Variants in ZEB1 observed in about 807,000 individuals in gnomAD.
ZEB1 encodes the protein zinc finger E-box-binding homeobox 1.
In ZEB1, 21 loss-of-function variants were observed where a neutral mutation model predicts 84.9. That is an observed-to-expected ratio of 0.25 (90% CI 0.18 to 0.36). The LOEUF is 0.36. Ranked by LOEUF, ZEB1 falls within the 10% of genes least tolerant of loss-of-function variation. ZEB1 has a pLI of 1.00. For missense variants in ZEB1, 1,104 were observed against 1,330.2 expected, an observed-to-expected ratio of 0.83 and a Z score of 2.65; for synonymous variants, 420 against 471.1, an observed-to-expected ratio of 0.89 and a Z score of 1.41.
In ZEB1 at chr10:31,461,256, TG is replaced by T; in HGVS notation, c.259+20del. On this transcript the variant is annotated intron_variant, in intron 2 of 8. Coordinates refer to ENST00000424869, the MANE Select transcript of ZEB1 (RefSeq NM_001174096.2). ...GATGACAGTAAGTCTGATTTTTTTTTGTAATATTGTATTCTCATGATTCGTT... is the reference window on the plus strand; with the variant it reads ...GATGACAGTAAGTCTGATTTTTTTTTTAATATTGTATTCTCATGATTCGTT... The T allele has an allele frequency of 6.3e-7, 1 of 1,591,990 alleles. No individual in the cohort carries two copies. The highest frequency in any genetic ancestry group is 1.7e-5 in the Admixed American group (1 of 57,440).
At chr10:31,428,376 T>C (rs553349927) in intron 1 of ZEB1, among the ~76,000 whole-genome samples, 9 of 152,284 alleles carry the variant, frequency 5.9e-5, no homozygotes, top group African/African-American at 2.2e-4. Context: ...TATGAGTGAG[T>C]GAATTTCTTA....
At chr10:31,363,428 C>G in intron 1 of ZEB1, 1 of 1,534,364 alleles carries the variant, frequency 6.5e-7, no homozygotes, top group Non-Finnish European at 8.7e-7. Context: ...ACATTTCCCT[C>G]CAAGGGCCTG....
At chr10:31,503,207 A>G (rs1292073605) in intron 4 of ZEB1, among the ~76,000 whole-genome samples, 2 of 152,158 alleles carry the variant, frequency 1.3e-5, no homozygotes, top group East Asian at 3.8e-4. Context: ...ATGTAGTTCT[A>G]ATAAAGGTTA....
At chr10:31,493,096 C>G (rs2066767602) in intron 2 of ZEB1, among the ~76,000 whole-genome samples, 1 of 151,834 alleles carries the variant, frequency 6.6e-6, no homozygotes, top group Admixed American at 6.6e-5. Flanking sequence ...CTCTCGTTTC[C>G]CATTACATGT....
chr10:31,411,139 CA>C (rs1462073171), intron 1 of ZEB1, among the ~76,000 whole-genome samples: 1 of 152,064 alleles, frequency 6.6e-6, no homozygotes. Flanking sequence ...TCAGCAAATG[CA>C]AAAGAACGGA....
chr10:31,319,588 C>T, intron 1 of ZEB1: 2 of 393,254 alleles, frequency 5.1e-6, no homozygotes, highest in Non-Finnish European at 9.0e-6. Flanking sequence ...CCGACGCCGC[C>T]GCATCCCCGG....
Position 31,521,351 on chromosome 10 carries a change from C to T in ZEB1, c.2019C>T (p.Asp673=). 1.2e-6 allele frequency: 2 copies of T among 1,614,106 alleles called. No individual in the cohort carries two copies. The highest frequency in any genetic ancestry group is 1.7e-6 in the Non-Finnish European group (2 of 1,180,014). Residue 673 remains aspartate (D), a synonymous_variant, in exon 7 of 9, where the codon GAC becomes GAT. Transcript: ENST00000424869. ...CTGCAAATGCAAATGAACCCCAGGA[C>T]AGCACAGTAAATCTACAAAGTCCTT... ...PQSANANEPQ[D]STVNLQSPLK...
In ZEB1 at chr10:31,349,636, C is replaced by T. The variant is rs113425604; in HGVS notation, c.58+30344C>T. ...TTCTAACAGGTGTGAGGTAGTCTCT[C>T]ATTGGGTTTTAATTTGCATTTCCCT... is the stretch of plus-strand genomic sequence containing the variant. On this transcript the variant is annotated intron_variant, in intron 1 of 8. Coordinates refer to ENST00000424869, the MANE Select transcript of ZEB1 (RefSeq NM_001174096.2). 2.8e-4 allele frequency among the ~76,000 whole-genome samples: 43 copies of T among 152,302 alleles called. 4 individuals carry two copies. Among genetic ancestry groups the T allele is most frequent in the African/African-American group, 1.0e-3 (43 of 41,574 alleles).
chr10:31,419,521 A>G (rs1378000825), intron 1 of ZEB1, among the ~76,000 whole-genome samples: 3 of 152,162 alleles, frequency 2.0e-5, no homozygotes, highest in Non-Finnish European at 4.4e-5. Flanking sequence ...CATCAGTTAC[A>G]GGAGTCATAT....
At chr10:31,358,641 A>G (rs1235721356) in intron 1 of ZEB1, 1 of 152,196 alleles carries the variant, frequency 6.6e-6, no homozygotes, top group African/African-American at 2.4e-5. Context: ...TTGTCTGATT[A>G]TAAAGGTGAA....
intron 2 of ZEB1, among the ~76,000 whole-genome samples, 188 bp from the exon 3 acceptor site, chr10:31,495,587 TG>T (rs1591843977): frequency 6.6e-6 from 1 of 152,108 alleles, no homozygotes; most frequent in African/African-American, 2.4e-5. Context: ...CAACTGGATT[TG>T]TTTTTTTAAT....
At chr10:31,424,644 A>T (rs929220233) in intron 1 of ZEB1, among the ~76,000 whole-genome samples, 1 of 152,042 alleles carries the variant, frequency 6.6e-6, no homozygotes, top group African/African-American at 2.4e-5. Flanking sequence ...GGAAGTGATT[A>T]AAGAGGTGTG....
intron 1 of ZEB1, chr10:31,358,531 T>C (rs2042480863): frequency 6.6e-6 from 1 of 152,148 alleles, no homozygotes; most frequent in Non-Finnish European, 1.5e-5. Flanking sequence ...GAAAATACAG[T>C]TTCTTAAATA....
chr10:31,347,691 T>G (rs1424681468), intron 1 of ZEB1, among the ~76,000 whole-genome samples: 3 of 152,184 alleles, frequency 2.0e-5, no homozygotes, highest in Non-Finnish European at 4.4e-5. Flanking sequence ...CTCCCCTTAT[T>G]ATTGGACATT....
At chr10:31,451,118 GTGTC>G (rs1286844904) in intron 1 of ZEB1, among the ~76,000 whole-genome samples, 14 of 152,136 alleles carry the variant, frequency 9.2e-5, no homozygotes, top group African/African-American at 2.4e-4. Context: ...ATTCTATGAT[GTGTC>G]TGTCTATGTC....
intron 1 of ZEB1, among the ~76,000 whole-genome samples, chr10:31,381,240 A>G (rs1157502106): frequency 6.6e-6 from 1 of 152,212 alleles, no homozygotes; most frequent in Non-Finnish European, 1.5e-5. Flanking sequence ...ATTATCTAGA[A>G]AAATCTACAG....
chr10:31,449,286 G>A (rs909014217), intron 1 of ZEB1, among the ~76,000 whole-genome samples: 6 of 152,202 alleles, frequency 3.9e-5, no homozygotes, highest in African/African-American at 9.6e-5. Flanking sequence ...CACAGTGCGC[G>A]CACCCACTGG....
intron 3 of ZEB1, among the ~76,000 whole-genome samples, chr10:31,499,824 T>G (rs575494958): frequency 6.6e-6 from 1 of 152,204 alleles, no homozygotes; most frequent in South Asian, 2.1e-4. Flanking sequence ...TAAATACATC[T>G]TATAATAATA....
At chr10:31,361,305 G>A in intron 1 of ZEB1, 1 of 1,286,616 alleles carries the variant, frequency 7.8e-7, no homozygotes, top group South Asian at 1.2e-5. Context: ...CCATTCTCCT[G>A]CCTCAGCCTC....
Sources: gnomAD v4.1 joint callset for allele counts (sites outside exome capture counted in the v4.1 genomes callset) on GRCh38, gnomAD v4.1.1 for gene constraint, MANE v1.5 for transcripts, NCBI Gene and HGNC (gene_info 2026-07-23, HGNC 2026-07-21) for gene names.